STAG2: variants seen among roughly 807,000 people sequenced by gnomAD.
STAG2 encodes cohesin subunit SA-2.
STAG2 carries 14 observed loss-of-function variants against 108.1 expected under a neutral mutation model. That is an observed-to-expected ratio of 0.13 (90% CI 0.09 to 0.20). The LOEUF (loss-of-function observed/expected upper bound fraction) is 0.20, where lower values mean the gene tolerates loss of function less well. Among genes scored for constraint, STAG2 ranks in the 10% least tolerant of loss-of-function variants. The pLI is 1.00. For missense variants in STAG2, 440 were observed against 940.9 expected, an observed-to-expected ratio of 0.47 and a Z score of 6.96; for synonymous variants, 307 against 302.7, an observed-to-expected ratio of 1.01 and a Z score of -0.15.
intron 1 of STAG2, among the ~76,000 whole-genome samples, chrX:123,987,351 C>T (rs2055243462): frequency 9.1e-6 from 1 of 110,438 alleles, no homozygotes; most frequent in Non-Finnish European, 1.9e-5. Context: ...CAAGTTCAGG[C>T]GATTCTCCTG....
At chrX:124,066,538 C>A in intron 23 of STAG2, 102 bp downstream of exon 23, 1 of 577,680 alleles carries the variant, frequency 1.7e-6, no homozygotes, top group Non-Finnish European at 2.8e-6. Flanking sequence ...TGAAATGTTG[C>A]TTGTTTCTAA....
Position 124,022,816 on chromosome X carries a change from A to C in STAG2, c.44+145A>C, listed in dbSNP as rs762965107. ...ATGCTTTGCAAGAGTTTATATCAGC[A>C]CTCATCAAGGCTCTGTAATAATAAT... On this transcript the variant is annotated intron_variant, in intron 3 of 34. Transcript: ENST00000371145. 5 of 374,286 alleles carry C rather than the reference A, an allele frequency of 1.3e-5. No homozygotes were observed. The South Asian group carries it at 2.8e-4, about 21-fold the overall frequency. 30.8% of individuals were successfully genotyped at this position (374,286 alleles called of 1,213,427 possible).
intron 5 of STAG2, among the ~76,000 whole-genome samples, chrX:124,037,147 A>C (rs1381697460): frequency 2.7e-5 from 3 of 111,494 alleles, no homozygotes; most frequent in African/African-American, 9.8e-5. Flanking sequence ...CGGCCTCCCA[A>C]AGTTCTGGGA....
chrX:124,021,375 C>T lies in STAG2; in HGVS notation c.-154C>T, dbSNP rs957256644. Reference sequence around the variant, plus strand: ...ACCTGCTTTTTCTTTAGGTGGCCACCGAGTACTAAATTCACTTGGGAATAA... The same window carrying T: ...ACCTGCTTTTTCTTTAGGTGGCCACTGAGTACTAAATTCACTTGGGAATAA... On this transcript the variant is annotated 5_prime_UTR_variant, in exon 2 of 35. Transcript: ENST00000371145. The T allele has an allele frequency of 1.8e-5, 2 of 110,620 alleles. No individual in the cohort carries two copies. The highest frequency in any genetic ancestry group is 3.3e-5 in the African/African-American group (1 of 30,403). The allele number at this position is 110,620 out of a possible 1,213,427, so 9.1% of individuals were successfully genotyped here. A position where few individuals can be genotyped will look rare whatever the true frequency, so the allele number is the denominator to read the frequency against.
intron 34 of STAG2, among the ~76,000 whole-genome samples, chrX:124,097,050 A>T (rs1387568980): frequency 9.1e-6 from 1 of 109,892 alleles, no homozygotes; most frequent in African/African-American, 3.3e-5. Flanking sequence ...ATGAAGATGC[A>T]TACCTGCGGT....
At chrX:123,960,652 A>AAAAAAAAAC (rs1569483388), upstream of STAG2, 3 of 102,449 alleles carry the variant, frequency 2.9e-5, no homozygotes, top group Non-Finnish European at 4.0e-5. Context: ...AAGAAAAAAA[A>AAAAAAAAAC]CCCCGCCGGA....
chrX:123,992,256 CCT>C (rs906183795), intron 1 of STAG2, among the ~76,000 whole-genome samples: 1 of 110,951 alleles, frequency 9.0e-6, no homozygotes, highest in African/African-American at 3.3e-5. Context: ...GTGTATGTCA[CCT>C]CTGAAGAATT....
chrX:124,072,873 CTTTT>C (rs371102884), intron 25 of STAG2, among the ~76,000 whole-genome samples: 4 of 79,437 alleles, frequency 5.0e-5, no homozygotes, highest in African/African-American at 1.4e-4. Context: ...GCTAATTTTT[CTTTT>C]TTTTTTCTTT....
rs200349161 is a variant in STAG2 at position 123,974,886 on chromosome X, AT to A, written c.-163+13034del. Reference sequence around the variant, plus strand: ...GCCACCACACCCGGCCTAGTATTTGATTTTCATTACATTCACTCACCCACAC... The same window carrying A: ...GCCACCACACCCGGCCTAGTATTTGATTTCATTACATTCACTCACCCACAC... On this transcript the variant is annotated intron_variant, in intron 1 of 34. Transcript: ENST00000371145. 7.3e-3 allele frequency among the ~76,000 whole-genome samples: 814 copies of A among 111,489 alleles called. 7 individuals are homozygous for A. The highest frequency in any genetic ancestry group is 0.025 in the African/African-American group (766 of 30,714).
intron 1 of STAG2, among the ~76,000 whole-genome samples, chrX:123,976,706 A>G (rs1490241603): frequency 8.9e-6 from 1 of 111,833 alleles, no homozygotes; most frequent in Admixed American, 9.5e-5. Context: ...TAGGCTCCCT[A>G]ACATTTAATT....
chrX:124,065,507 G>A (rs1344597441), intron 20 of STAG2, among the ~76,000 whole-genome samples: 3 of 111,035 alleles, frequency 2.7e-5, no homozygotes, highest in Non-Finnish European at 3.8e-5. Context: ...ATATGTTTAA[G>A]GTACTTAGAT....
At chrX:123,995,175 A>G (rs949099851) in intron 1 of STAG2, among the ~76,000 whole-genome samples, 45 of 111,861 alleles carry the variant, frequency 4.0e-4, no homozygotes, top group African/African-American at 1.3e-3. Context: ...GTAAAATACA[A>G]TAATATCCTT....
rs36097834 is a variant in STAG2, at chrX:124,061,743, CTTTTTTTTTTTTT to C, written c.1535-15_1535-3del. On this transcript the variant is annotated splice_polypyrimidine_tract_variant and intron_variant, in intron 16 of 34. Coordinates refer to ENST00000371145, the MANE Select transcript of STAG2 (RefSeq NM_001042750.2). Reference sequence around the variant, plus strand: ...GAAGAAATAAGCTAACTCTTTCTGACTTTTTTTTTTTTTTTTTTTTTTTTTAGCACTAACAGAT... The same window carrying C: ...GAAGAAATAAGCTAACTCTTTCTGACTTTTTTTTTTTTAGCACTAACAGAT... 1.7e-5 allele frequency: 8 copies of C among 474,380 alleles called. No homozygotes were observed. In the South Asian group the frequency reaches 2.2e-4, roughly 13 times the overall value. 39.1% of individuals were successfully genotyped at this position (474,380 alleles called of 1,213,427 possible).
Position 124,096,900 on chromosome X carries a change from C to T in STAG2, c.3783+1451C>T, listed in dbSNP as rs149870790. The stretch of plus-strand genomic sequence containing the variant: ...ATGTTTACTAATAAGGCCAAGGGGC[C>T]GGGCTCAGTGGCTCATGCCTGTAAT... On this transcript the variant is annotated intron_variant, in intron 34 of 34. Transcript: ENST00000371145. Among the ~76,000 whole-genome samples the T allele has an allele frequency of 6.1e-3, 683 of 112,331 alleles. 8 individuals carry two copies. Among genetic ancestry groups the T allele is most frequent in the African/African-American group, 0.021 (651 of 30,990 alleles).
Position 124,065,921 on chromosome X carries a change from T to C in STAG2, c.2071T>C (p.Leu691=). 1 of 1,177,689 alleles carries C rather than the reference T, an allele frequency of 8.5e-7. No homozygotes were observed. The highest frequency in any genetic ancestry group is 1.1e-6 in the Non-Finnish European group (1 of 879,191). ...EDDAYQVLST[L]KRITAFHNAH... is the part of the protein sequence containing the mutation. ...TGATGCATATCAGGTATTGTCAACA[T>C]TGAAGAGGATCACTGCTTTTCATAA... The change falls in exon 21 of 35, where the codon TTG becomes CTG. Residue 691 remains leucine (L), a synonymous_variant. Transcript: ENST00000371145.
intron 32 of STAG2, among the ~76,000 whole-genome samples, chrX:124,091,450 A>G (rs1432992831): frequency 8.9e-6 from 1 of 112,219 alleles, no homozygotes; most frequent in Non-Finnish European, 1.9e-5. Context: ...TCTTACTTAA[A>G]ACCTTTCTGT....
At position 123,973,761 on chromosome X, in the gene STAG2, T is replaced by C. The variant is rs1602639933; in HGVS notation, c.-163+11905T>C. 2.8e-5 allele frequency among the ~76,000 whole-genome samples: 3 copies of C among 107,972 alleles called. No homozygotes were observed. In the Admixed American group the frequency reaches 3.0e-4, roughly 11 times the overall value. The allele number at this position is 107,972 out of a possible 115,157, so 93.8% of individuals were successfully genotyped here. ...CGGGAGGCTGAGGCAGGAGAATTGC[T>C]TGAACCTGGGAGGTGGAGGTTGCAG... On this transcript the variant is annotated intron_variant, in intron 1 of 34. Coordinates refer to ENST00000371145, the MANE Select transcript of STAG2 (RefSeq NM_001042750.2).
chrX:124,072,685 GT>G (rs1398549346), intron 25 of STAG2, among the ~76,000 whole-genome samples: 8 of 94,177 alleles, frequency 8.5e-5, no homozygotes, highest in African/African-American at 1.2e-4. Context: ...TTATAGTGTT[GT>G]TGTTGTTGTT....
intron 19 of STAG2, 89 bp downstream of exon 19, chrX:124,063,294 T>C: frequency 1.4e-6 from 1 of 724,451 alleles, no homozygotes; most frequent in South Asian, 3.1e-5. Context: ...TAAAATGTTT[T>C]TTTGGAACGT....
Sources: allele counts gnomAD v4.1 joint callset (sites outside exome capture counted in the v4.1 genomes callset), GRCh38; gene constraint gnomAD v4.1.1; transcripts MANE v1.5; gene names NCBI Gene and HGNC (gene_info 2026-07-23, HGNC 2026-07-21).